AGAP1: variants seen among roughly 807,000 people sequenced by gnomAD.
AGAP1 encodes the protein arf-GAP with GTPase, ANK repeat and PH domain-containing protein 1.
In AGAP1, 29 loss-of-function variants were observed where a neutral mutation model predicts 105.3. The observed-to-expected ratio is 0.28, with a 90% CI of 0.21 to 0.38. AGAP1 has a LOEUF of 0.38. AGAP1 is among the 10% of genes least tolerant of loss of function. The probability of loss-of-function intolerance (pLI) is 1.00; values close to 1 mark genes in which losing one functional copy is unlikely to be tolerated. For synonymous variants in AGAP1, 509 were observed against 485.9 expected, an observed-to-expected ratio of 1.05 and a Z score of -0.63; for missense variants, 998 against 1,165.1, an observed-to-expected ratio of 0.86 and a Z score of 2.09.
intron 1 of AGAP1, among the ~76,000 whole-genome samples, chr2:235,560,572 G>A (rs1944114741): frequency 6.6e-6 from 1 of 152,206 alleles, no homozygotes; most frequent in Non-Finnish European, 1.5e-5. Context: ...AAGTGAAAGA[G>A]GAGAGTCGGG....
chr2:235,794,360 G>C (rs558238373), intron 6 of AGAP1, among the ~76,000 whole-genome samples: 1 of 152,212 alleles, frequency 6.6e-6, no homozygotes, highest in African/African-American at 2.4e-5. Context: ...TTCAGTACCC[G>C]TTGACACCGT....
In AGAP1 at chr2:236,111,072, C is replaced by T. The variant is rs6730168; in HGVS notation, c.2115-9120C>T. On this transcript the variant is annotated intron_variant, in intron 16 of 17. Transcript: ENST00000304032. ...AGGGCCATCATCACCTAGTCACCTCCCAAAGGCTCTACCTCTTAATAACAT... is the reference window on the plus strand; with the variant it reads ...AGGGCCATCATCACCTAGTCACCTCTCAAAGGCTCTACCTCTTAATAACAT... 3.0e-3 allele frequency among the ~76,000 whole-genome samples: 458 copies of T among 152,318 alleles called. 4 individuals carry two copies. The highest frequency in any genetic ancestry group is 4.9e-3 in the Non-Finnish European group (332 of 68,030).
chr2:235,860,629 T>C (rs1325760458), intron 9 of AGAP1, among the ~76,000 whole-genome samples: 1 of 152,230 alleles, frequency 6.6e-6, no homozygotes, highest in Non-Finnish European at 1.5e-5. Context: ...GACAGTACAA[T>C]GTTTTGCTTT....
chr2:235,512,726 C>T (rs1392347232), intron 1 of AGAP1, among the ~76,000 whole-genome samples: 1 of 152,194 alleles, frequency 6.6e-6, no homozygotes, highest in East Asian at 1.9e-4. Flanking sequence ...AGGTGATAAG[C>T]TCCCTGGGCC....
rs1292492034 is a variant in AGAP1 at position 235,967,486 on chromosome 2, G to A, written c.1484-976G>A. 6.6e-6 allele frequency among the ~76,000 whole-genome samples: 1 copy of A among 152,174 alleles called. No individual in the cohort carries two copies. Among genetic ancestry groups the A allele is most frequent in the Non-Finnish European group, 1.5e-5 (1 of 68,036 alleles). On this transcript the variant is annotated intron_variant, in intron 12 of 17. Transcript: ENST00000304032. The surrounding 1 kb of genome is among the most constrained non-coding windows in gnomAD (Gnocchi z 4.7). ...ACAGAGTCCCCATTGGGGCAGGAAT[G>A]TTTATCTGTTTCTCCTCGATCAATG...
chr2:235,512,231 C>CT (rs926042170), intron 1 of AGAP1, among the ~76,000 whole-genome samples: 1 of 152,168 alleles, frequency 6.6e-6, no homozygotes, highest in African/African-American at 2.4e-5. Flanking sequence ...TGGGAGTTTT[C>CT]TTTGAGTATC....
intron 16 of AGAP1, among the ~76,000 whole-genome samples, chr2:236,060,470 C>G (rs1163410258): frequency 6.6e-6 from 1 of 152,158 alleles, no homozygotes; most frequent in Non-Finnish European, 1.5e-5. Flanking sequence ...GGGAGGATCA[C>G]TGGAGCCCAG....
At chr2:235,539,777 G>A (rs1943373487) in intron 1 of AGAP1, among the ~76,000 whole-genome samples, 1 of 152,156 alleles carries the variant, frequency 6.6e-6, no homozygotes, top group Admixed American at 6.5e-5. Flanking sequence ...GGTCACGGGT[G>A]TTAGTTCTGG....
intron 1 of AGAP1, among the ~76,000 whole-genome samples, chr2:235,544,221 G>A (rs1943549890): frequency 6.6e-6 from 1 of 152,194 alleles, no homozygotes; most frequent in African/African-American, 2.4e-5. Flanking sequence ...TTTTCAGGAG[G>A]GGTCTCTTCC....
rs2053742511 is a variant in AGAP1, at chr2:235,951,573, A to G, written c.1484-16889A>G. Among the ~76,000 whole-genome samples the G allele has an allele frequency of 6.6e-6, 1 of 152,226 alleles. No individual in the cohort carries two copies. Among genetic ancestry groups the G allele is most frequent in the Non-Finnish European group, 1.5e-5 (1 of 68,044 alleles). On this transcript the variant is annotated intron_variant, in intron 12 of 17. Transcript: ENST00000304032. This position sits in a 1 kb window ranked among gnomAD's most constrained non-coding sequence, Gnocchi z 4.2. ...CACATATTAATAGTTGCACTGAGAA[A>G]CAGGCGTAAACAGAGGTTGTCCCGG... is the stretch of plus-strand genomic sequence containing the variant.
intron 1 of AGAP1, among the ~76,000 whole-genome samples, chr2:235,661,066 C>T (rs969603422): frequency 6.6e-6 from 1 of 152,104 alleles, no homozygotes; most frequent in Non-Finnish European, 1.5e-5. Context: ...ACTCTGATTG[C>T]AGGAGTAAGG....
At position 236,078,830 on chromosome 2, in the gene AGAP1, C is replaced by T. The variant is rs755794657; in HGVS notation, c.2114+29549C>T. Among the ~76,000 whole-genome samples, 10 of 152,310 alleles carry T rather than the reference C, an allele frequency of 6.6e-5. No individual in the cohort carries two copies. The highest frequency in any genetic ancestry group is 2.2e-4 in the African/African-American group (9 of 41,576). On this transcript the variant is annotated intron_variant, in intron 16 of 17. Coordinates refer to ENST00000304032, the MANE Select transcript of AGAP1 (RefSeq NM_001037131.3). The surrounding 1 kb of genome is among the most constrained non-coding windows in gnomAD (Gnocchi z 5.3). ...GTTGCCCACCCTCCTACCCCTGCAG[C>T]GGCCCCATCCCACGTGGTTAAGTGG...
chr2:235,910,827 G>A (rs1297220070), intron 11 of AGAP1, among the ~76,000 whole-genome samples: 5 of 151,844 alleles, frequency 3.3e-5, no homozygotes, highest in Non-Finnish European at 7.4e-5. Context: ...TAAGGCAGGG[G>A]AATCGCTTAA....
chr2:235,815,910 C>G (rs947867327), intron 9 of AGAP1, among the ~76,000 whole-genome samples: 6 of 152,198 alleles, frequency 3.9e-5, no homozygotes, highest in Non-Finnish European at 7.3e-5. Flanking sequence ...GGGAGACCTC[C>G]TTCAGGCTGG....
intron 11 of AGAP1, among the ~76,000 whole-genome samples, chr2:235,909,730 C>T (rs1366575083): frequency 2.6e-5 from 4 of 152,146 alleles, no homozygotes; most frequent in Non-Finnish European, 4.4e-5. Context: ...CTTCTTAAAA[C>T]AGATTTCTGG....
At position 235,746,186 on chromosome 2, in the gene AGAP1, G is replaced by A. The variant is rs201413220; in HGVS notation, c.538+1347G>A. Among the ~76,000 whole-genome samples the A allele has an allele frequency of 5.3e-5, 8 of 151,860 alleles. No homozygotes were observed. In the East Asian group the frequency reaches 1.4e-3, roughly 26 times the overall value. ...TGTAATCCCAGCTACTTGGGAGGCTGAGGCAGGAGAATCTTTTGAATCTGG... is the reference window on the plus strand; with the variant it reads ...TGTAATCCCAGCTACTTGGGAGGCTAAGGCAGGAGAATCTTTTGAATCTGG... On this transcript the variant is annotated intron_variant, in intron 5 of 17. Coordinates refer to ENST00000304032, the MANE Select transcript of AGAP1 (RefSeq NM_001037131.3).
intron 9 of AGAP1, among the ~76,000 whole-genome samples, chr2:235,825,755 C>G (rs1198606473): frequency 1.3e-5 from 2 of 151,996 alleles, no homozygotes; most frequent in African/African-American, 2.4e-5. Flanking sequence ...ATGTTAAAAC[C>G]CTCTCTAGGT....
intron 6 of AGAP1, among the ~76,000 whole-genome samples, chr2:235,797,319 G>A (rs1575491159): frequency 6.6e-6 from 1 of 152,240 alleles, no homozygotes; most frequent in East Asian, 1.9e-4. Flanking sequence ...GAGGCCTTCT[G>A]TGGAGTTGGG....
At chr2:235,771,308 G>A (rs912564466) in intron 6 of AGAP1, among the ~76,000 whole-genome samples, 11 of 152,218 alleles carry the variant, frequency 7.2e-5, no homozygotes, top group Non-Finnish European at 1.3e-4. Flanking sequence ...TGGGGAGCAC[G>A]GTCTCCAGGC....
Sources: gnomAD v4.1 joint callset for allele counts (sites outside exome capture counted in the v4.1 genomes callset) on GRCh38, gnomAD v4.1.1 for gene constraint, Gnocchi (gnomAD v3.1) non-coding constraint, MANE v1.5 for transcripts, NCBI Gene and HGNC (gene_info 2026-07-23, HGNC 2026-07-21) for gene names.